Variants in DCC observed in about 807,000 individuals in gnomAD.
DCC encodes the protein DCC netrin 1 receptor.
In DCC, 58 loss-of-function variants were observed where a neutral mutation model predicts 172.5. The ratio of observed to expected loss-of-function variants is 0.34; its 90% CI spans 0.27 to 0.42. DCC has a LOEUF of 0.42. Ranked by LOEUF, DCC falls within the 10% of genes least tolerant of loss-of-function variation. The pLI, the probability that DCC is intolerant of heterozygous loss-of-function variation, is 1.00. For missense variants in DCC, 1,740 were observed against 1,791.0 expected (o/e 0.97, Z 0.51); for synonymous variants, 709 against 644.5 (o/e 1.10, Z -1.52).
intron 1 of DCC, among the ~76,000 whole-genome samples, chr18:52,715,670 C>T (rs2036368547): frequency 6.6e-6 from 1 of 152,038 alleles, no homozygotes; most frequent in Non-Finnish European, 1.5e-5. Flanking sequence ...CCTTTAGCCC[C>T]AACTAAAACG....
At position 52,894,190 on chromosome 18, in the gene DCC, G is replaced by A. The variant is rs183250665; in HGVS notation, c.413-11854G>A. On this transcript the variant is annotated intron_variant, in intron 2 of 28. Transcript: ENST00000442544. ...CCCAATAGGCATCACTGAGGATTAC[G>A]CTATCTTTGCTCCACCAGCATCTTT... 6.1e-4 allele frequency among the ~76,000 whole-genome samples: 93 copies of A among 152,100 alleles called. 1 individual carries two copies. The highest frequency in any genetic ancestry group is 1.5e-4 in the Non-Finnish European group (10 of 67,974).
intron 2 of DCC, among the ~76,000 whole-genome samples, chr18:52,901,031 G>A (rs2039802075): frequency 6.6e-6 from 1 of 152,182 alleles, no homozygotes; most frequent in Non-Finnish European, 1.5e-5. Flanking sequence ...GGTTTGAGGA[G>A]TGAAGAGTAT....
chr18:53,170,594 T>G (rs898399964), intron 8 of DCC, among the ~76,000 whole-genome samples: 10 of 152,180 alleles, frequency 6.6e-5, no homozygotes, highest in Non-Finnish European at 1.3e-4. Context: ...CTTATGAAGT[T>G]GTGGTGGTAT....
intron 3 of DCC, among the ~76,000 whole-genome samples, chr18:52,914,214 CTAAAAA>C (rs1226396071): frequency 7.9e-6 from 1 of 127,072 alleles, no homozygotes; most frequent in Non-Finnish European, 1.8e-5. Context: ...AAAAAAAAAT[CTAAAAA>C]TAAAAAAAAA....
chr18:53,239,824 TG>T (rs2056260951), intron 12 of DCC, among the ~76,000 whole-genome samples: 2 of 152,090 alleles, frequency 1.3e-5, no homozygotes, highest in Admixed American at 6.6e-5. Context: ...TATTTTATTT[TG>T]AATAACCAAG....
intron 1 of DCC, among the ~76,000 whole-genome samples, chr18:52,435,638 C>A (rs1225944393): frequency 6.6e-6 from 1 of 152,182 alleles, no homozygotes. Context: ...ACCTTCCTGG[C>A]CTTTCCTCCT....
chr18:52,710,421 G>A (rs752760624), intron 1 of DCC, among the ~76,000 whole-genome samples: 106 of 152,140 alleles, frequency 7.0e-4, no homozygotes, highest in Non-Finnish European at 1.3e-3. Flanking sequence ...TAATGTGATA[G>A]AAAATTTAGG....
intron 1 of DCC, among the ~76,000 whole-genome samples, chr18:52,664,478 T>C (rs1361084106): frequency 2.2e-5 from 3 of 138,596 alleles, no homozygotes; most frequent in African/African-American, 8.1e-5. Flanking sequence ...TTCTTTTTCT[T>C]TTTTTTTTTT....
chr18:53,506,546 T>C (rs1360266158), intron 27 of DCC, among the ~76,000 whole-genome samples: 1 of 151,938 alleles, frequency 6.6e-6, no homozygotes, highest in Admixed American at 6.6e-5. Flanking sequence ...TAAAGAAGAA[T>C]AGAATTCTCT....
chr18:53,456,162 G>T (rs558690722), intron 23 of DCC, among the ~76,000 whole-genome samples: 1 of 152,292 alleles, frequency 6.6e-6, no homozygotes, highest in African/African-American at 2.4e-5. Context: ...GAGATGGTCA[G>T]GAAGGTTCCC....
intron 1 of DCC, among the ~76,000 whole-genome samples, chr18:52,609,499 A>G (rs1283579510): frequency 6.6e-6 from 1 of 152,144 alleles, no homozygotes; most frequent in African/African-American, 2.4e-5. Flanking sequence ...GGTCTGGGGC[A>G]GGCAGCTTCT....
intron 1 of DCC, among the ~76,000 whole-genome samples, chr18:52,560,675 C>T (rs145639712): frequency 6.6e-6 from 1 of 152,102 alleles, no homozygotes; most frequent in Non-Finnish European, 1.5e-5. Flanking sequence ...ATACACCAGT[C>T]CTTGATGCTT....
chr18:53,115,395 G>T (rs2043394404), intron 7 of DCC, among the ~76,000 whole-genome samples: 1 of 151,558 alleles, frequency 6.6e-6, no homozygotes, highest in Non-Finnish European at 1.5e-5. Flanking sequence ...GCATATTAAA[G>T]TTGGGGTGTG....
intron 2 of DCC, among the ~76,000 whole-genome samples, chr18:52,846,679 C>T (rs925189036): frequency 2.0e-5 from 3 of 150,572 alleles, no homozygotes; most frequent in Admixed American, 6.6e-5. Flanking sequence ...TGGTGTCTCT[C>T]GCAGAGATTG....
chr18:53,527,240 C>A (rs181767538), intron 28 of DCC, among the ~76,000 whole-genome samples: 1 of 149,838 alleles, frequency 6.7e-6, no homozygotes, highest in Non-Finnish European at 1.5e-5. Flanking sequence ...CAGGGTCTTG[C>A]TGTGTTGCCC....
chr18:53,164,942 A>T (rs896161705), intron 8 of DCC, among the ~76,000 whole-genome samples: 1 of 152,202 alleles, frequency 6.6e-6, no homozygotes, highest in Non-Finnish European at 1.5e-5. Context: ...AACCACACTA[A>T]TAGTAAATAT....
intron 1 of DCC, among the ~76,000 whole-genome samples, chr18:52,493,814 ATACTT>A (rs1444919644): frequency 1.3e-5 from 2 of 152,086 alleles, no homozygotes; most frequent in Admixed American, 6.6e-5. Flanking sequence ...GAATCTGAGA[ATACTT>A]TACTGCATTT....
At chr18:53,145,808 G>A (rs1447888349) in intron 7 of DCC, among the ~76,000 whole-genome samples, 2 of 152,290 alleles carry the variant, frequency 1.3e-5, no homozygotes, top group African/African-American at 2.4e-5. Context: ...TAGAGAGATG[G>A]AAGCTACTGT....
chr18:52,666,206 G>A (rs2035457067), intron 1 of DCC, among the ~76,000 whole-genome samples: 1 of 152,026 alleles, frequency 6.6e-6, no homozygotes, highest in South Asian at 2.1e-4. Context: ...AGACAGGCGA[G>A]TTGCTTGAAC....
Sources: gnomAD v4.1 joint callset for allele counts (sites outside exome capture counted in the v4.1 genomes callset) on GRCh38, gnomAD v4.1.1 for gene constraint, MANE v1.5 for transcripts, NCBI Gene and HGNC (gene_info 2026-07-23, HGNC 2026-07-21) for gene names.